MGAT4C: variants seen among roughly 807,000 people sequenced by gnomAD.
MGAT4C encodes the protein alpha-1,3-mannosyl-glycoprotein 4-beta-N-acetylglucosaminyltransferase C.
MGAT4C carries 19 observed loss-of-function variants against 40.1 expected under a neutral mutation model. The observed-to-expected ratio is 0.47, with a 90% CI of 0.33 to 0.70. The LOEUF (loss-of-function observed/expected upper bound fraction) is 0.70, where lower values mean the gene tolerates loss of function less well. MGAT4C is among the 30% of genes least tolerant of loss of function. The probability of loss-of-function intolerance (pLI) is 0.02; values close to 1 mark genes in which losing one functional copy is unlikely to be tolerated. For missense variants in MGAT4C, 491 were observed against 563.2 expected, an observed-to-expected ratio of 0.87 and a Z score of 1.30; for synonymous variants, 181 against 187.1, an observed-to-expected ratio of 0.97 and a Z score of 0.27.
At chr12:86,791,251 T>C (rs527514123) in intron 1 of MGAT4C, among the ~76,000 whole-genome samples, 7 of 152,222 alleles carry the variant, frequency 4.6e-5, no homozygotes, top group African/African-American at 1.7e-4. Flanking sequence ...CAGTCACCAA[T>C]GCAGGCTCAA....
rs187235415 is a variant in MGAT4C at position 86,435,592 on chromosome 12, T to A, written c.-228-327A>T. Among the ~76,000 whole-genome samples, 342 of 152,084 alleles carry A rather than the reference T, an allele frequency of 2.2e-3. 1 individual carries two copies. Among genetic ancestry groups the A allele is most frequent in the Non-Finnish European group, 2.8e-3 (190 of 67,878 alleles). ...CTTAGCACCTATATGTCTTTATTTT[T>A]AAATTTAACAATAGTCAGGCCAGTA... On this transcript the variant is annotated intron_variant, in intron 2 of 7. Transcript: ENST00000548651.
At chr12:86,783,957 T>C (rs1451692823) in intron 1 of MGAT4C, among the ~76,000 whole-genome samples, 3 of 152,132 alleles carry the variant, frequency 2.0e-5, no homozygotes, top group Admixed American at 6.5e-5. Context: ...AAAACATTCA[T>C]TGAGCTGATT....
intron 1 of MGAT4C, among the ~76,000 whole-genome samples, chr12:86,749,744 T>C (rs1951205620): frequency 6.6e-6 from 1 of 151,790 alleles, no homozygotes; most frequent in Non-Finnish European, 1.5e-5. Flanking sequence ...TGACTATCAC[T>C]GCATAAATTT....
intron 1 of MGAT4C, among the ~76,000 whole-genome samples, chr12:86,053,243 G>C (rs960527204): frequency 1.4e-5 from 1 of 72,272 alleles, no homozygotes; most frequent in Non-Finnish European, 2.3e-5. Context: ...CTGAGTATTT[G>C]ACTTTGTGTG....
intron 1 of MGAT4C, among the ~76,000 whole-genome samples, chr12:86,808,751 A>G (rs925370495): frequency 6.6e-6 from 1 of 152,046 alleles, no homozygotes; most frequent in Admixed American, 6.6e-5. Context: ...CCTCCTACGC[A>G]ACATAGCATT....
chr12:86,043,320 A>C (rs980359104), intron 2 of MGAT4C, among the ~76,000 whole-genome samples: 1 of 152,184 alleles, frequency 6.6e-6, no homozygotes, highest in African/African-American at 2.4e-5. Context: ...AAACCTCAAA[A>C]GTAGGAAAAC....
chr12:86,222,505 C>T (rs902919897), intron 1 of MGAT4C, among the ~76,000 whole-genome samples: 2 of 152,120 alleles, frequency 1.3e-5, no homozygotes, highest in Non-Finnish European at 2.9e-5. Flanking sequence ...TTTCTATCCA[C>T]CTAAATTATA....
At chr12:86,497,292 A>T (rs762093540) in intron 2 of MGAT4C, among the ~76,000 whole-genome samples, 1 of 151,988 alleles carries the variant, frequency 6.6e-6, no homozygotes, top group Non-Finnish European at 1.5e-5. Context: ...TCTTTGGAGT[A>T]TATACCTGTG....
At chr12:86,318,635 AAC>A in intron 4 of MGAT4C, among the ~76,000 whole-genome samples, 1 of 152,308 alleles carries the variant, frequency 6.6e-6, no homozygotes, top group African/African-American at 2.4e-5. Context: ...CTAAGTCATG[AAC>A]AAAAAAGTCC....
chr12:86,684,176 T>G (rs770958029), intron 2 of MGAT4C, among the ~76,000 whole-genome samples: 2 of 152,008 alleles, frequency 1.3e-5, no homozygotes, highest in African/African-American at 2.4e-5. Flanking sequence ...ATGCATTACC[T>G]CCCCTTGCTC....
chr12:86,372,209 A>G (rs1029038821), intron 3 of MGAT4C, among the ~76,000 whole-genome samples: 2 of 151,802 alleles, frequency 1.3e-5, no homozygotes, highest in African/African-American at 4.8e-5. Context: ...TTTTAATATG[A>G]CATCAAGACA....
intron 2 of MGAT4C, among the ~76,000 whole-genome samples, chr12:86,451,220 T>G (rs1044804588): frequency 6.6e-6 from 1 of 152,090 alleles, no homozygotes; most frequent in Non-Finnish European, 1.5e-5. Context: ...TATAAAAGTG[T>G]GTGTAGCACC....
At chr12:85,990,964 C>A (rs1422050764) in intron 2 of MGAT4C, among the ~76,000 whole-genome samples, 2 of 152,148 alleles carry the variant, frequency 1.3e-5, no homozygotes, top group East Asian at 3.9e-4. Context: ...CAGAGTGTTG[C>A]TTTTCTGATC....
rs374072925 is a variant in MGAT4C, at chr12:85,979,870, C to T, written c.856G>A (p.Asp286Asn). 1.9e-6 allele frequency: 3 copies of T among 1,613,752 alleles called. No homozygotes were observed. The highest frequency in any genetic ancestry group is 2.5e-6 in the Non-Finnish European group (3 of 1,179,800). ...LLMFYQEMPC[D>N]WLLTHFRGLL... ...CCACGGAAATGAGTCAATAGCCAAT[C>T]ACAAGGCATTTCTTGATAAAACATT... Residue 286 changes from aspartate to asparagine, a missense_variant, in exon 5 of 5, where the codon GAT (aspartate) becomes AAT (asparagine). Coordinates refer to ENST00000611864, the MANE Select transcript of MGAT4C (RefSeq NM_001351288.2).
chr12:86,124,214 C>CA (rs1392900985), intron 1 of MGAT4C, among the ~76,000 whole-genome samples: 3 of 152,154 alleles, frequency 2.0e-5, no homozygotes, highest in Non-Finnish European at 2.9e-5. Context: ...CTGCTTCTCT[C>CA]AAAAACAGAT....
intron 1 of MGAT4C, among the ~76,000 whole-genome samples, chr12:86,095,038 C>A (rs560071386): frequency 6.6e-6 from 1 of 152,008 alleles, no homozygotes; most frequent in African/African-American, 2.4e-5. Context: ...TTCAGAAATC[C>A]AAGTTGAGGA....
chr12:86,696,549 CA>C (rs917573650), intron 2 of MGAT4C, among the ~76,000 whole-genome samples: 1 of 152,152 alleles, frequency 6.6e-6, no homozygotes, highest in Non-Finnish European at 1.5e-5. Flanking sequence ...GAGGTGGATG[CA>C]AAATATTCAT....
At chr12:86,822,221 G>C (rs578200567) in intron 1 of MGAT4C, among the ~76,000 whole-genome samples, 1 of 150,918 alleles carries the variant, frequency 6.6e-6, no homozygotes, top group African/African-American at 2.4e-5. Context: ...AAAAGTCAAA[G>C]GAAGGAATCA....
At chr12:86,392,304 T>G (rs1956174309) in intron 3 of MGAT4C, among the ~76,000 whole-genome samples, 1 of 152,042 alleles carries the variant, frequency 6.6e-6, no homozygotes, top group Non-Finnish European at 1.5e-5. Flanking sequence ...AAACTCCATC[T>G]CTACTAAAAA....
Sources: gnomAD v4.1 joint callset for allele counts (sites outside exome capture counted in the v4.1 genomes callset) on GRCh38, gnomAD v4.1.1 for gene constraint, MANE v1.5 for transcripts, NCBI Gene and HGNC (gene_info 2026-07-23, HGNC 2026-07-21) for gene names.